FOXO3: variants seen among roughly 807,000 people sequenced by gnomAD.
FOXO3 encodes the protein forkhead box O3.
In FOXO3, 4 loss-of-function variants were observed where a neutral mutation model predicts 41.9. The ratio of observed to expected loss-of-function variants is 0.10; its 90% CI spans 0.05 to 0.22. The LOEUF (loss-of-function observed/expected upper bound fraction) is 0.22, where lower values mean the gene tolerates loss of function less well. Among genes scored for constraint, FOXO3 ranks in the 10% least tolerant of loss-of-function variants. The pLI is 1.00. For missense variants in FOXO3, 534 were observed against 906.8 expected (o/e 0.59, Z 5.28); for synonymous variants, 318 against 389.3 (o/e 0.82, Z 2.16).
chr6:108,634,801 CTT>C (rs1174171376), intron 1 of FOXO3, among the ~76,000 whole-genome samples: 1 of 152,008 alleles, frequency 6.6e-6, no homozygotes, highest in African/African-American at 2.4e-5. Context: ...ATATTTGAAA[CTT>C]AAGAATAAAT....
chr6:108,641,190 G>A (rs1021403622), intron 1 of FOXO3, among the ~76,000 whole-genome samples: 1 of 152,088 alleles, frequency 6.6e-6, no homozygotes, highest in African/African-American at 2.4e-5. Context: ...GATTATAAGC[G>A]TTAGCCACCT....
chr6:108,587,018 C>T (rs901996926), intron 1 of FOXO3, among the ~76,000 whole-genome samples: 8 of 149,044 alleles, frequency 5.4e-5, no homozygotes, highest in Admixed American at 5.4e-4. Flanking sequence ...GCTGTGTTGC[C>T]TAGACTGGTC....
intron 1 of FOXO3, among the ~76,000 whole-genome samples, chr6:108,569,721 G>A (rs995640174): frequency 2.0e-5 from 3 of 152,166 alleles, no homozygotes; most frequent in Admixed American, 2.0e-4. Flanking sequence ...GTCCAGATGT[G>A]CCCTAGGACT....
At chr6:108,639,566 C>T (rs1027710397) in intron 1 of FOXO3, 6 of 985,236 alleles carry the variant, frequency 6.1e-6, no homozygotes, top group Non-Finnish European at 6.0e-6. Context: ...ATGACAGTGG[C>T]CCTTCAGAAA....
intron 1 of FOXO3, among the ~76,000 whole-genome samples, chr6:108,637,449 G>A (rs2128378126): frequency 2.0e-5 from 3 of 152,244 alleles, no homozygotes; most frequent in East Asian, 3.9e-4. Flanking sequence ...ATACTGGGGG[G>A]CAAATCTCGT....
intron 2 of FOXO3, among the ~76,000 whole-genome samples, chr6:108,669,316 TTGAC>T (rs1219719841): frequency 1.3e-5 from 2 of 152,194 alleles, no homozygotes; most frequent in Non-Finnish European, 2.9e-5. Flanking sequence ...TGATGCTTGT[TTGAC>T]TGATGTTTGA....
chr6:108,615,147 T>A (rs931750639), intron 1 of FOXO3, among the ~76,000 whole-genome samples: 1 of 152,152 alleles, frequency 6.6e-6, no homozygotes, highest in Non-Finnish European at 1.5e-5. Flanking sequence ...TTTAAAGAGA[T>A]TGAAGATAAG....
At position 108,672,247 on chromosome 6, in the gene FOXO3, G is replaced by A. The variant is rs1006816405; in HGVS notation, c.*34+7358G>A. Among the ~76,000 whole-genome samples, 4 of 152,358 alleles carry A rather than the reference G, an allele frequency of 2.6e-5. No homozygotes were observed. The East Asian group carries it at 7.7e-4, about 29-fold the overall frequency. ...ACATGATAGCATGGTGTTGGCAGTAGTCTGGCCTTGGGTCTCCCCAGAGCT... is the reference window on the plus strand; with the variant it reads ...ACATGATAGCATGGTGTTGGCAGTAATCTGGCCTTGGGTCTCCCCAGAGCT... On this transcript the variant is annotated intron_variant, in intron 2 of 2. Transcript: ENST00000406360.
At chr6:108,584,109 C>G (rs1776508212) in intron 1 of FOXO3, among the ~76,000 whole-genome samples, 1 of 152,200 alleles carries the variant, frequency 6.6e-6, no homozygotes, top group Non-Finnish European at 1.5e-5. Flanking sequence ...TAGTTTCATT[C>G]CGCCGGCACG....
chr6:108,657,244 G>A (rs1386781867), intron 1 of FOXO3, among the ~76,000 whole-genome samples: 11 of 152,110 alleles, frequency 7.2e-5, no homozygotes, highest in African/African-American at 2.4e-5. Flanking sequence ...TAAACCTTTC[G>A]GCCCACGTTG....
chr6:108,574,798 A>G (rs1776216571), intron 1 of FOXO3, among the ~76,000 whole-genome samples: 1 of 152,252 alleles, frequency 6.6e-6, no homozygotes, highest in African/African-American at 2.4e-5. Flanking sequence ...TGTAGTTAAC[A>G]GAATAGAATG....
intron 1 of FOXO3, among the ~76,000 whole-genome samples, chr6:108,610,733 A>AT (rs1186800353): frequency 6.6e-6 from 1 of 152,182 alleles, no homozygotes; most frequent in East Asian, 1.9e-4. Context: ...CCCAGAAAGG[A>AT]TAAAAACTCT....
At chr6:108,585,973 A>G (rs1482465900) in intron 1 of FOXO3, among the ~76,000 whole-genome samples, 2 of 152,126 alleles carry the variant, frequency 1.3e-5, no homozygotes, top group Non-Finnish European at 2.9e-5. Context: ...CTTCTACCAC[A>G]TTCCTATCCC....
chr6:108,647,022 A>G (rs1169098570), intron 1 of FOXO3, among the ~76,000 whole-genome samples: 1 of 152,216 alleles, frequency 6.6e-6, no homozygotes, highest in Non-Finnish European at 1.5e-5. Context: ...GTAGTACTGC[A>G]CAAAAGAGAG....
chr6:108,618,068 C>A, intron 1 of FOXO3: 1 of 725,220 alleles, frequency 1.4e-6, no homozygotes, highest in Non-Finnish European at 2.6e-6. Context: ...TCCAACTGTA[C>A]AGGTGTGTCT....
rs1775770233 is a variant in FOXO3, at chr6:108,561,134, C to T, written c.-75C>T. The T allele has an allele frequency of 6.8e-7, 1 of 1,472,348 alleles. No homozygotes were observed. Among genetic ancestry groups the T allele is most frequent in the Non-Finnish European group, 8.9e-7 (1 of 1,118,668 alleles). 91.2% of individuals were successfully genotyped at this position (1,472,348 alleles called of 1,614,324 possible). On this transcript the variant is annotated 5_prime_UTR_variant, in exon 1 of 3. Coordinates refer to ENST00000406360, the MANE Select transcript of FOXO3 (RefSeq NM_001455.4). ...CCGGAGCCTTCGCGGCGTCCACGTC[C>T]CTCCCCCGCTGCACCCCGCCCCGGC... is the stretch of plus-strand genomic sequence containing the variant.
intron 1 of FOXO3, among the ~76,000 whole-genome samples, chr6:108,649,092 A>G (rs1035489065): frequency 4.0e-5 from 6 of 151,776 alleles, no homozygotes; most frequent in Admixed American, 6.6e-5. Flanking sequence ...GTCAGAGGCA[A>G]AGGGATCTGT....
intron 1 of FOXO3, among the ~76,000 whole-genome samples, chr6:108,629,294 C>T (rs1294187707): frequency 6.6e-6 from 1 of 152,020 alleles, no homozygotes; most frequent in Non-Finnish European, 1.5e-5. Flanking sequence ...AGACCATCTC[C>T]CAGTTCAGTT....
chr6:108,616,555 T>C (rs1777520480), intron 1 of FOXO3, among the ~76,000 whole-genome samples: 1 of 152,098 alleles, frequency 6.6e-6, no homozygotes, highest in Non-Finnish European at 1.5e-5. Flanking sequence ...ACTCTGCTTC[T>C]CAAAGTGCTG....
Sources: gnomAD v4.1 joint callset for allele counts (sites outside exome capture counted in the v4.1 genomes callset) on GRCh38, gnomAD v4.1.1 for gene constraint, MANE v1.5 for transcripts, NCBI Gene and HGNC (gene_info 2026-07-23, HGNC 2026-07-21) for gene names.